The following NSD1 variants were observed in gnomAD, a reference collection of about 807,000 sequenced individuals.
NSD1 encodes the protein nuclear receptor binding SET domain protein 1, also known as histone-lysine N-methyltransferase, H3 lysine-36 specific.
In NSD1, 26 loss-of-function variants were observed where a neutral mutation model predicts 242.7. That is an observed-to-expected ratio of 0.11 (90% CI 0.08 to 0.15). The LOEUF is 0.15. Among genes scored for constraint, NSD1 ranks in the 10% least tolerant of loss-of-function variants. NSD1 has a pLI of 1.00. For synonymous variants in NSD1, 1,106 were observed against 1,178.1 expected (o/e 0.94, Z 1.25); for missense variants, 2,495 against 3,272.8 (o/e 0.76, Z 5.80).
In NSD1 at chr5:177,295,503, C is replaced by G. The variant is rs753198743; in HGVS notation, c.*44C>G. The stretch of plus-strand genomic sequence containing the variant: ...GAACAAACAAGCTGCCCCCAGGGTA[C>G]CATTTGGGGAGGGGAAATCTTTTCT... On this transcript the variant is annotated 3_prime_UTR_variant, in exon 23 of 23. Coordinates refer to ENST00000439151, the MANE Select transcript of NSD1 (RefSeq NM_022455.5). This position sits in a 1 kb window ranked among gnomAD's most constrained non-coding sequence, Gnocchi z 4.3. The G allele has an allele frequency of 1.7e-5, 27 of 1,588,198 alleles. No homozygotes were observed. In the East Asian group the frequency reaches 5.8e-4, roughly 34 times the overall value.
At chr5:177,195,509 C>T (rs1762040032) in intron 3 of NSD1, among the ~76,000 whole-genome samples, 1 of 151,974 alleles carries the variant, frequency 6.6e-6, no homozygotes, top group Non-Finnish European at 1.5e-5. Context: ...GTTCTATTGC[C>T]CAGGCTAGAA....
intron 8 of NSD1, among the ~76,000 whole-genome samples, chr5:177,243,178 T>TTTTCTTTC (rs893379635): frequency 6.6e-6 from 1 of 151,918 alleles, no homozygotes; most frequent in South Asian, 2.1e-4. Context: ...GATGGGTTAT[T>TTTTCTTTC]TTTCTTTCTT....
chr5:177,157,018 A>G (rs745949924), intron 2 of NSD1, among the ~76,000 whole-genome samples: 26 of 152,094 alleles, frequency 1.7e-4, no homozygotes, highest in Admixed American at 1.4e-3. Context: ...CATTAGCAAG[A>G]CTCCGTCTCT....
chr5:177,158,969 C>A (rs978185933), intron 2 of NSD1, among the ~76,000 whole-genome samples: 1 of 129,958 alleles, frequency 7.7e-6, no homozygotes, highest in Non-Finnish European at 1.5e-5. Flanking sequence ...TATACACACA[C>A]ATATATACAC....
intron 11 of NSD1, among the ~76,000 whole-genome samples, 160 bp downstream of exon 11, chr5:177,248,484 C>G (rs1474567956): frequency 6.6e-6 from 1 of 151,914 alleles, no homozygotes; most frequent in Non-Finnish European, 1.5e-5. Flanking sequence ...TTTTTCTCCC[C>G]ACAAAGAAAG....
At chr5:177,266,168 T>TA in intron 14 of NSD1, 1 of 1,073,336 alleles carries the variant, frequency 9.3e-7, no homozygotes, top group South Asian at 1.2e-5. Flanking sequence ...AGCACAGTGT[T>TA]GAGCATGGAC....
chr5:177,146,618 C>T (rs1360495434), intron 2 of NSD1, among the ~76,000 whole-genome samples: 3 of 152,084 alleles, frequency 2.0e-5, no homozygotes, highest in African/African-American at 7.2e-5. Flanking sequence ...TCTGGATGTC[C>T]CCAGTTTTAC....
chr5:177,261,296 T>C (rs867272996), intron 14 of NSD1, among the ~76,000 whole-genome samples: 2 of 145,076 alleles, frequency 1.4e-5, no homozygotes, highest in South Asian at 4.5e-4. Context: ...GCCAGGCTGG[T>C]CTCTTAACTT....
intron 21 of NSD1, among the ~76,000 whole-genome samples, chr5:177,289,897 G>A (rs1253319071): frequency 1.3e-5 from 2 of 150,086 alleles, no homozygotes; most frequent in Non-Finnish European, 1.5e-5. Flanking sequence ...GCGCAATCTC[G>A]GCTCACTGCA....
chr5:177,148,899 A>G (rs1010613146), intron 2 of NSD1, among the ~76,000 whole-genome samples: 1 of 152,112 alleles, frequency 6.6e-6, no homozygotes, highest in African/African-American at 2.4e-5. Flanking sequence ...GCTCACTGCA[A>G]CCTCTGCTTC....
rs587784102 is a variant in NSD1 at position 177,135,455 on chromosome 5, C to G, written c.352C>G (p.Pro118Ala). ...GCCAATTGTTTGCACTTCCTTGAGT[C>G]CTGGTGGTCCTACAGCACTTGCTAT... is the stretch of plus-strand genomic sequence containing the variant. Reference protein sequence around the residue: ...QTPIVCTSLSPGGPTALAMKQ... With the variant: ...QTPIVCTSLSAGGPTALAMKQ... Residue 118 changes from proline (P) to alanine (A), a missense_variant, in exon 2 of 23, where the codon CCT becomes GCT. Physicochemically the swap from Pro to Ala is conservative, Grantham distance 27. Around this residue, in one of 19 missense-constraint regions of NSD1, gnomAD observed 376 missense variants for 367.4 expected, o/e 1.02. Transcript: ENST00000439151. 8 of 1,614,156 alleles carry G rather than the reference C, an allele frequency of 5.0e-6. No homozygotes were observed. The highest frequency in any genetic ancestry group is 3.3e-5 in the Admixed American group (2 of 60,028).
intron 20 of NSD1, 58 bp downstream of exon 20, chr5:177,283,986 T>C: frequency 6.4e-7 from 1 of 1,572,066 alleles, no homozygotes; most frequent in Non-Finnish European, 8.8e-7. Flanking sequence ...TTTTGTTTTT[T>C]ACAAACAGCT....
intron 13 of NSD1, among the ~76,000 whole-genome samples, chr5:177,259,635 A>T (rs1175410424): frequency 1.3e-5 from 2 of 152,202 alleles, no homozygotes; most frequent in Non-Finnish European, 2.9e-5. Flanking sequence ...CGTTCACTTG[A>T]AAGGCTTTAA....
At chr5:177,232,032 T>A (rs1234950373) in intron 5 of NSD1, among the ~76,000 whole-genome samples, 1 of 152,114 alleles carries the variant, frequency 6.6e-6, no homozygotes, top group Non-Finnish European at 1.5e-5. Context: ...CACATGTAGC[T>A]GGGACCGCAG....
At chr5:177,191,800 T>G in intron 2 of NSD1, 84 bp from the exon 3 acceptor site, 2 of 1,458,880 alleles carry the variant, frequency 1.4e-6, no homozygotes. Context: ...CATACATTGC[T>G]TTTTCAGAAG....
chr5:177,282,684 C>A, intron 19 of NSD1, 103 bp downstream of exon 19: 2 of 900,812 alleles, frequency 2.2e-6, no homozygotes, highest in Non-Finnish European at 3.7e-6. Flanking sequence ...AAGGTAGGGT[C>A]TTTTCCCATA....
At chr5:177,217,666 C>CTTTTT (rs543853335) in intron 5 of NSD1, among the ~76,000 whole-genome samples, 1 of 106,232 alleles carries the variant, frequency 9.4e-6, no homozygotes, top group Non-Finnish European at 2.1e-5. Flanking sequence ...GCGTCACATT[C>CTTTTT]TTTTTTTTTT....
Position 177,203,926 on chromosome 5 carries a change from T to C in NSD1, c.1064-194T>C, listed in dbSNP as rs10475644. ...GACTACTGATTCTTTCATAACCTCC[T>C]GTGTATTTTCTTGCCACACATATAT... On this transcript the variant is annotated intron_variant, in intron 3 of 22. Coordinates refer to ENST00000439151, the MANE Select transcript of NSD1 (RefSeq NM_022455.5). Among the ~76,000 whole-genome samples, 3,976 of 152,322 alleles carry C rather than the reference T, an allele frequency of 0.026. 184 individuals are homozygous for C. Among genetic ancestry groups the C allele is most frequent in the African/African-American group, 0.091 (3,784 of 41,566 alleles).
At chr5:177,207,593 A>ATTTATTTTTTTTTTTTTTTT (rs1762985255) in intron 4 of NSD1, among the ~76,000 whole-genome samples, 1 of 78,218 alleles carries the variant, frequency 1.3e-5, no homozygotes, top group African/African-American at 7.1e-5. Flanking sequence ...ATTTATTTAA[A>ATTTATTTTTTTTTTTTTTTT]TTTTTTTTTT....
Sources: allele counts gnomAD v4.1 joint callset (sites outside exome capture counted in the v4.1 genomes callset), GRCh38; gene constraint gnomAD v4.1.1; regional missense constraint gnomAD v4.1.1; non-coding constraint Gnocchi (gnomAD v3.1); transcripts MANE v1.5; gene names NCBI Gene and HGNC (gene_info 2026-07-23, HGNC 2026-07-21).